CADPS: variants seen among roughly 807,000 people sequenced by gnomAD.
CADPS encodes calcium dependent secretion activator, also known as calcium-dependent secretion activator 1.
CADPS carries 57 observed loss-of-function variants against 167.3 expected under a neutral mutation model. The ratio of observed to expected loss-of-function variants is 0.34; its 90% CI spans 0.28 to 0.42. CADPS has a LOEUF of 0.42. Among genes scored for constraint, CADPS ranks in the 20% least tolerant of loss-of-function variants. The pLI, the probability that CADPS is intolerant of heterozygous loss-of-function variation, is 1.00. For synonymous variants in CADPS, 676 were observed against 635.3 expected (o/e 1.06, Z -0.96); for missense variants, 1,414 against 1,738.1 (o/e 0.81, Z 3.32).
At chr3:62,645,678 G>T in intron 6 of CADPS, 44 bp downstream of exon 6, 3 of 1,605,604 alleles carry the variant, frequency 1.9e-6, no homozygotes, top group South Asian at 2.2e-5. Flanking sequence ...GGAACTAATG[G>T]CAGCAACCCT....
intron 1 of CADPS, among the ~76,000 whole-genome samples, chr3:62,770,242 C>T (rs1233234079): frequency 1.3e-5 from 2 of 152,170 alleles, no homozygotes; most frequent in African/African-American, 4.8e-5. Flanking sequence ...TCTTCCCTGA[C>T]CATTCCATCT....
intron 8 of CADPS, among the ~76,000 whole-genome samples, chr3:62,575,349 A>G (rs1412505157): frequency 6.6e-6 from 1 of 152,232 alleles, no homozygotes; most frequent in Admixed American, 6.5e-5. Flanking sequence ...GGAAGAGTTA[A>G]GTGCTTAAAT....
intron 7 of CADPS, among the ~76,000 whole-genome samples, chr3:62,589,179 T>A (rs2085360137): frequency 6.6e-6 from 1 of 152,168 alleles, no homozygotes; most frequent in Non-Finnish European, 1.5e-5. Flanking sequence ...AACACAGGTC[T>A]GCTAAGTGTG....
intron 3 of CADPS, among the ~76,000 whole-genome samples, chr3:62,721,531 C>A (rs907287978): frequency 2.6e-5 from 4 of 152,088 alleles, no homozygotes; most frequent in Non-Finnish European, 5.9e-5. Flanking sequence ...TCAGAAAACA[C>A]TTTAATTGGA....
At chr3:62,823,297 A>G (rs756852541) in intron 1 of CADPS, among the ~76,000 whole-genome samples, 1 of 152,196 alleles carries the variant, frequency 6.6e-6, no homozygotes, top group African/African-American at 2.4e-5. Context: ...TTATAAGTAC[A>G]AAATCCCAAA....
chr3:62,853,883 G>A (rs1011254456), intron 1 of CADPS, among the ~76,000 whole-genome samples: 5 of 152,064 alleles, frequency 3.3e-5, no homozygotes, highest in Admixed American at 1.3e-4. Flanking sequence ...TTCAGCCTGG[G>A]AGGTTGAGGC....
chr3:62,519,619 T>G (rs1459950370), intron 13 of CADPS, among the ~76,000 whole-genome samples: 1 of 152,100 alleles, frequency 6.6e-6, no homozygotes, highest in African/African-American at 2.4e-5. Context: ...TTTACAAAGT[T>G]TATTAAAAAA....
chr3:62,845,185 T>G (rs1481274531), intron 1 of CADPS, among the ~76,000 whole-genome samples: 1 of 152,174 alleles, frequency 6.6e-6, no homozygotes, highest in Non-Finnish European at 1.5e-5. Context: ...TGGCCAATTT[T>G]AGGTCAGATT....
At chr3:62,578,388 A>G (rs1022786676) in intron 8 of CADPS, among the ~76,000 whole-genome samples, 2 of 152,032 alleles carry the variant, frequency 1.3e-5, no homozygotes, top group East Asian at 3.9e-4. Context: ...AGGCAGGCAG[A>G]TCATGAGGTC....
rs536948582 is a variant in CADPS at position 62,423,784 on chromosome 3, C to T, written c.3777+14320G>A. Among the ~76,000 whole-genome samples, 6 of 152,232 alleles carry T rather than the reference C, an allele frequency of 3.9e-5. No individual in the cohort carries two copies. In the East Asian group the frequency reaches 9.7e-4, roughly 25 times the overall value. On this transcript the variant is annotated intron_variant, in intron 28 of 29. Coordinates refer to ENST00000383710, the MANE Select transcript of CADPS (RefSeq NM_003716.4). ...ATATTGGCTCTCATTGGCCTCAATA[C>T]CTGTAACATGGAGATCACGAAGGTT... is the stretch of plus-strand genomic sequence containing the variant.
intron 3 of CADPS, among the ~76,000 whole-genome samples, chr3:62,715,431 T>C (rs74538614): frequency 5.2e-5 from 7 of 135,070 alleles, no homozygotes; most frequent in African/African-American, 1.9e-4. Flanking sequence ...TTATATATAT[T>C]TTTGCTGGGG....
chr3:62,559,795 G>C (rs576067464), intron 9 of CADPS, among the ~76,000 whole-genome samples: 55 of 151,964 alleles, frequency 3.6e-4, no homozygotes, highest in Non-Finnish European at 6.0e-4. Flanking sequence ...TGCCCAGCCG[G>C]ATTTTTTTTT....
chr3:62,768,003 C>G (rs1041425377), intron 1 of CADPS, among the ~76,000 whole-genome samples: 2 of 152,176 alleles, frequency 1.3e-5, no homozygotes, highest in Non-Finnish European at 2.9e-5. Context: ...TCAACAGCCA[C>G]ATGTGGCTAG....
chr3:62,574,516 G>A (rs904844913), intron 8 of CADPS, among the ~76,000 whole-genome samples: 1 of 152,174 alleles, frequency 6.6e-6, no homozygotes, highest in African/African-American at 2.4e-5. Context: ...TGCTGCTGAT[G>A]AGGCCAGCAC....
chr3:62,692,769 A>G (rs1186753908), intron 3 of CADPS, among the ~76,000 whole-genome samples: 1 of 152,098 alleles, frequency 6.6e-6, no homozygotes, highest in African/African-American at 2.4e-5. Flanking sequence ...TTTTAAAGCA[A>G]TGAAATAGAA....
At chr3:62,484,867 A>G (rs1054158006) in intron 21 of CADPS, among the ~76,000 whole-genome samples, 15 of 152,146 alleles carry the variant, frequency 9.9e-5, no homozygotes, top group African/African-American at 3.1e-4. Context: ...ACTTTTATGA[A>G]TCAGTTGTTG....
At chr3:62,708,564 C>T (rs1470602815) in intron 3 of CADPS, among the ~76,000 whole-genome samples, 4 of 152,016 alleles carry the variant, frequency 2.6e-5, no homozygotes, top group African/African-American at 7.3e-5. Context: ...CCCTCTCCTA[C>T]ACGCCCTGCT....
rs79260062 is a variant in CADPS at position 62,399,594 on chromosome 3, G to A, written c.3883-9C>T. 3,082 of 1,611,684 alleles carry A rather than the reference G, an allele frequency of 1.9e-3. 75 individuals are homozygous for A. In the East Asian group the frequency reaches 0.054, roughly 28 times the overall value. ...AAATCTCTGTAGGTTTTCTAAGGAAGGAAAAGATACAGTGATAAGAGAGAT... is the reference window on the plus strand; with the variant it reads ...AAATCTCTGTAGGTTTTCTAAGGAAAGAAAAGATACAGTGATAAGAGAGAT... On this transcript the variant is annotated splice_polypyrimidine_tract_variant and intron_variant, in intron 29 of 29. Coordinates refer to ENST00000383710, the MANE Select transcript of CADPS (RefSeq NM_003716.4). This position sits in a 1 kb window ranked among gnomAD's most constrained non-coding sequence, Gnocchi z 5.6.
chr3:62,490,702 G>C (rs955235998), intron 21 of CADPS, among the ~76,000 whole-genome samples: 2 of 152,166 alleles, frequency 1.3e-5, no homozygotes, highest in African/African-American at 4.8e-5. Context: ...GGTCAGTGGG[G>C]TAGGTATTGT....
Sources: gnomAD v4.1 joint callset for allele counts (sites outside exome capture counted in the v4.1 genomes callset) on GRCh38, gnomAD v4.1.1 for gene constraint, Gnocchi (gnomAD v3.1) non-coding constraint, MANE v1.5 for transcripts, NCBI Gene and HGNC (gene_info 2026-07-23, HGNC 2026-07-21) for gene names.